Variants in RCOR1 observed in about 807,000 individuals in gnomAD.
RCOR1 encodes the protein REST corepressor.
In RCOR1, 12 loss-of-function variants were observed where a neutral mutation model predicts 64.0. The observed-to-expected ratio is 0.19, with a 90% confidence interval of 0.12 to 0.30. The LOEUF (loss-of-function observed/expected upper bound fraction) is 0.30, where lower values mean the gene tolerates loss of function less well. Ranked by LOEUF, RCOR1 falls within the 10% of genes least tolerant of loss-of-function variation. The pLI is 1.00. For missense variants in RCOR1, 502 were observed against 621.2 expected (o/e 0.81, Z 2.04); for synonymous variants, 279 against 227.2 (o/e 1.23, Z -2.05).
At chr14:102,723,289 A>G (rs1896198144) in intron 11 of RCOR1, among the ~76,000 whole-genome samples, 1 of 152,198 alleles carries the variant, frequency 6.6e-6, no homozygotes, top group South Asian at 2.1e-4. Flanking sequence ...ATTTTGCTCC[A>G]AGGGCCTGGC....
intron 2 of RCOR1, among the ~76,000 whole-genome samples, chr14:102,665,110 AT>A (rs1429126520): frequency 1.3e-5 from 2 of 151,872 alleles, no homozygotes; most frequent in African/African-American, 2.4e-5. Context: ...GGTTCAAGCG[AT>A]TCTTCTGCCT....
intron 2 of RCOR1, among the ~76,000 whole-genome samples, chr14:102,653,271 T>G (rs1894629703): frequency 6.6e-6 from 1 of 152,030 alleles, no homozygotes; most frequent in Non-Finnish European, 1.5e-5. Flanking sequence ...CAGGCTGGAG[T>G]GTAGTGGTGC....
intron 2 of RCOR1, among the ~76,000 whole-genome samples, chr14:102,611,385 T>C (rs1475901531): frequency 1.3e-5 from 2 of 152,218 alleles, no homozygotes; most frequent in Admixed American, 6.5e-5. Context: ...TATAGTTCTT[T>C]TAATGCCCTT....
intron 2 of RCOR1, among the ~76,000 whole-genome samples, chr14:102,617,972 C>CTTTTTTTTTTT (rs71305077): frequency 1.6e-4 from 19 of 122,544 alleles, no homozygotes; most frequent in East Asian, 4.8e-4. Flanking sequence ...TTTTTTTTTT[C>CTTTTTTTTTTT]TTTTTTTTTT....
rs147605696 is a variant in RCOR1 at position 102,637,668 on chromosome 14, C to T, written c.362-44227C>T. ...TTTTGCCATGTTGCCCAGGTAGTCT[C>T]GAACTTAGGAGTTCAAAACGATTTG... On this transcript the variant is annotated intron_variant, in intron 2 of 11. Transcript: ENST00000262241. 1.4e-3 allele frequency among the ~76,000 whole-genome samples: 212 copies of T among 152,148 alleles called. 2 individuals carry two copies. Among genetic ancestry groups the T allele is most frequent in the Non-Finnish European group, 2.6e-3 (179 of 68,010 alleles).
intron 2 of RCOR1, among the ~76,000 whole-genome samples, chr14:102,619,468 C>T (rs1893827917): frequency 7.5e-6 from 1 of 132,576 alleles, no homozygotes; most frequent in Non-Finnish European, 1.6e-5. Context: ...TCTATTCTAT[C>T]TAATCTTTTT....
At chr14:102,607,754 T>A (rs1419356377) in intron 2 of RCOR1, among the ~76,000 whole-genome samples, 2 of 152,140 alleles carry the variant, frequency 1.3e-5, no homozygotes, top group African/African-American at 2.4e-5. Context: ...TGGTGGCACC[T>A]GCCTTTAATC....
chr14:102,597,903 A>G (rs1415798039), intron 2 of RCOR1, among the ~76,000 whole-genome samples: 5 of 145,306 alleles, frequency 3.4e-5, no homozygotes, highest in African/African-American at 1.0e-4. Flanking sequence ...GCTCACCTCA[A>G]CCTCCACCTC....
chr14:102,628,577 C>G (rs1211772134), intron 2 of RCOR1, among the ~76,000 whole-genome samples: 1 of 151,714 alleles, frequency 6.6e-6, no homozygotes, highest in Non-Finnish European at 1.5e-5. Flanking sequence ...CTCTTAGCCT[C>G]TTAGTGGATC....
At chr14:102,677,243 TGGCCGGGCAGAGGG>T (rs1895197037) in intron 2 of RCOR1, among the ~76,000 whole-genome samples, 1 of 109,494 alleles carries the variant, frequency 9.1e-6, no homozygotes, top group African/African-American at 4.0e-5. Flanking sequence ...ACGGGGTGGC[TGGCCGGGCAGAGGG>T]GCTCCTCACT....
intron 3 of RCOR1, among the ~76,000 whole-genome samples, chr14:102,686,474 C>G (rs1259133607): frequency 6.6e-6 from 1 of 152,158 alleles, no homozygotes; most frequent in African/African-American, 2.4e-5. Flanking sequence ...TCATAGTTTA[C>G]ATTAAGCTTC....
At position 102,642,934 on chromosome 14, in the gene RCOR1, C is replaced by T. The variant is rs998879334; in HGVS notation, c.362-38961C>T. On this transcript the variant is annotated intron_variant, in intron 2 of 11. Coordinates refer to ENST00000262241, the MANE Select transcript of RCOR1 (RefSeq NM_015156.4). The stretch of plus-strand genomic sequence containing the variant: ...GTATGGGGGAATGAGTCAGGAAGGC[C>T]ATTTTAAAGATTTTACAGTGTCCTA... Among the ~76,000 whole-genome samples, 4 of 152,100 alleles carry T rather than the reference C, an allele frequency of 2.6e-5. 1 individual carries two copies. Among genetic ancestry groups the T allele is most frequent in the African/African-American group, 9.7e-5 (4 of 41,410 alleles).
chr14:102,691,430 G>C (rs533919972), intron 3 of RCOR1, among the ~76,000 whole-genome samples: 2 of 152,048 alleles, frequency 1.3e-5, no homozygotes, highest in Non-Finnish European at 1.5e-5. Context: ...ACCTGCACAC[G>C]TGCCCCCGAT....
rs1896022973 is a variant in RCOR1, at chr14:102,714,405, C to G, written c.859-18C>G. Reference sequence around the variant, plus strand: ...GACTTTTTTTAAGTTTCATTCATCACCTGTGTATATCATGCAGGTTCCCCC... The same window carrying G: ...GACTTTTTTTAAGTTTCATTCATCAGCTGTGTATATCATGCAGGTTCCCCC... On this transcript the variant is annotated intron_variant, in intron 7 of 11. Transcript: ENST00000262241. The G allele has an allele frequency of 6.5e-7, 1 of 1,541,414 alleles. No individual in the cohort carries two copies. Among genetic ancestry groups the G allele is most frequent in the African/African-American group, 1.4e-5 (1 of 72,288 alleles).
chr14:102,727,308 G>T lies in RCOR1; in HGVS notation c.*802G>T, dbSNP rs1896288277. 1 of 52,900 alleles carries T rather than the reference G, an allele frequency of 1.9e-5. No homozygotes were observed. The highest frequency in any genetic ancestry group is 3.8e-5 in the Non-Finnish European group (1 of 26,614). 3.3% of individuals were successfully genotyped at this position (52,900 alleles called of 1,614,324 possible). ...CCCCCCCACCCCCCCACCTCCAAGA[G>T]GTTCGGCCCACATCACTGTACCTGG... On this transcript the variant is annotated 3_prime_UTR_variant, in exon 12 of 12. Coordinates refer to ENST00000262241, the MANE Select transcript of RCOR1 (RefSeq NM_015156.4).
intron 2 of RCOR1, among the ~76,000 whole-genome samples, chr14:102,641,406 C>CCGAA (rs1450178003): frequency 4.6e-5 from 7 of 152,020 alleles, no homozygotes; most frequent in Non-Finnish European, 4.4e-5. Flanking sequence ...TCGGGACCAA[C>CCGAA]CTGGGCAACA....
intron 3 of RCOR1, among the ~76,000 whole-genome samples, chr14:102,689,952 C>T (rs1265726109): frequency 6.6e-6 from 1 of 152,096 alleles, no homozygotes; most frequent in Non-Finnish European, 1.5e-5. Flanking sequence ...ACCATGTTGG[C>T]CAGGCTGGTC....
intron 2 of RCOR1, among the ~76,000 whole-genome samples, chr14:102,620,473 A>G (rs1182161587): frequency 6.6e-6 from 1 of 152,214 alleles, no homozygotes; most frequent in Non-Finnish European, 1.5e-5. Flanking sequence ...AGTCTGAGGC[A>G]GGAGAATCAC....
chr14:102,694,627 C>T (rs1453209271), intron 3 of RCOR1, among the ~76,000 whole-genome samples: 3 of 152,224 alleles, frequency 2.0e-5, no homozygotes, highest in East Asian at 3.9e-4. Context: ...CTTGGAAGGA[C>T]GGATTGATGA....
Sources: gnomAD v4.1 joint callset for allele counts (sites outside exome capture counted in the v4.1 genomes callset) on GRCh38, gnomAD v4.1.1 for gene constraint, MANE v1.5 for transcripts, NCBI Gene and HGNC (gene_info 2026-07-23, HGNC 2026-07-21) for gene names.